Variants in SVEP1 observed in about 807,000 individuals in gnomAD.
The protein encoded by SVEP1 is sushi, von Willebrand factor type A, EGF and pentraxin domain containing 1.
SVEP1 carries 164 observed loss-of-function variants against 367.3 expected under a neutral mutation model. That is an observed-to-expected ratio of 0.45 (90% CI 0.39 to 0.51). The LOEUF (loss-of-function observed/expected upper bound fraction) is 0.51. Ranked by LOEUF, SVEP1 falls within the 20% of genes least tolerant of loss-of-function variation. The pLI is 0.00. For missense variants in SVEP1, 4,117 were observed against 4,425.3 expected (o/e 0.93, Z 1.98); for synonymous variants, 1,666 against 1,611.6 (o/e 1.03, Z -0.81).
Position 110,458,541 on chromosome 9 carries a change from G to A in SVEP1, c.3506C>T (p.Ala1169Val), listed in dbSNP as rs765955604. The change falls in exon 20 of 48, where the codon GCG (alanine) becomes GTG (valine). Residue 1169 changes from alanine to valine, a missense_variant. Physicochemically the swap from Ala to Val is moderately conservative, Grantham distance 64. This residue lies in a region of SVEP1 where 2,174 missense variants were observed against 2,494.3 expected (regional missense o/e 0.87). Coordinates refer to ENST00000374469, the MANE Select transcript of SVEP1 (RefSeq NM_153366.4). ...ECSSFSSTFS[A>V]AEESVVPPAS... Reference sequence around the variant, plus strand: ...AGGGGGCACCACACTTTCCTCTGCCGCTGAGAAAGTTGAACTAAAACCTAA... The same window carrying A: ...AGGGGGCACCACACTTTCCTCTGCCACTGAGAAAGTTGAACTAAAACCTAA... 21 of 1,611,458 alleles carry A rather than the reference G, an allele frequency of 1.3e-5. No individual in the cohort carries two copies. The highest frequency in any genetic ancestry group is 3.4e-5 in the Admixed American group (2 of 59,606).
At chr9:110,390,379 A>ATAAG (rs1165986731) in intron 40 of SVEP1, among the ~76,000 whole-genome samples, 1 of 116,656 alleles carries the variant, frequency 8.6e-6, no homozygotes, top group Non-Finnish European at 1.9e-5. Context: ...ATCTACTTAT[A>ATAAG]TATATATATA....
Position 110,557,832 on chromosome 9 carries a change from A to C in SVEP1, c.532-7728T>G, listed in dbSNP as rs915944825. Among the ~76,000 whole-genome samples, 12 of 152,284 alleles carry C rather than the reference A, an allele frequency of 7.9e-5. 1 individual carries two copies. The highest frequency in any genetic ancestry group is 2.6e-4 in the Admixed American group (4 of 15,292). On this transcript the variant is annotated intron_variant, in intron 1 of 47. Transcript: ENST00000374469. ...AGGTTAACCCTCTTATTTGTAACAAATAAGCCACAGCCTGTGTCTGAAAAT... is the reference window on the plus strand; with the variant it reads ...AGGTTAACCCTCTTATTTGTAACAACTAAGCCACAGCCTGTGTCTGAAAAT...
rs544407808 is a variant in SVEP1, at chr9:110,372,716, G to A, written c.10600+2652C>T. Among the ~76,000 whole-genome samples, 54 of 152,284 alleles carry A rather than the reference G, an allele frequency of 3.5e-4. 3 individuals carry two copies. In the South Asian group the frequency reaches 8.7e-3, roughly 25 times the overall value. On this transcript the variant is annotated intron_variant, in intron 46 of 47. Coordinates refer to ENST00000374469, the MANE Select transcript of SVEP1 (RefSeq NM_153366.4). ...AGGAAAGAGGAAGATCATTGCAAAT[G>A]TAAGGAGATTGGGGAGGAGAAGAGG...
At chr9:110,540,474 C>A (rs1160601719) in intron 3 of SVEP1, among the ~76,000 whole-genome samples, 2 of 151,776 alleles carry the variant, frequency 1.3e-5, no homozygotes, top group Admixed American at 1.3e-4. Context: ...AGCAAAATAC[C>A]AATGCTTTTG....
chr9:110,430,654 T>C (rs3739446), intron 32 of SVEP1, among the ~76,000 whole-genome samples: 5,139 of 152,320 alleles, frequency 0.034, 83 homozygotes, highest in Middle Eastern at 0.058. Context: ...AATAATAGTT[T>C]GAAACAGCAA....
At chr9:110,534,895 T>C (rs1398448286) in intron 3 of SVEP1, among the ~76,000 whole-genome samples, 1 of 152,160 alleles carries the variant, frequency 6.6e-6, no homozygotes, top group Non-Finnish European at 1.5e-5. Flanking sequence ...TTTGTTTAAG[T>C]TCCTTATAGG....
intron 40 of SVEP1, 123 bp downstream of exon 40, chr9:110,400,731 A>G (rs1233171052): frequency 1.8e-6 from 2 of 1,093,572 alleles, no homozygotes; most frequent in East Asian, 5.2e-5. Context: ...AGTATAAGGG[A>G]ACAAAGTATA....
intron 12 of SVEP1, 110 bp downstream of exon 12, chr9:110,481,132 G>T: frequency 1.3e-6 from 1 of 754,846 alleles, no homozygotes; most frequent in Non-Finnish European, 1.9e-6. Context: ...TCAAATTCAT[G>T]GCACCATTTT....
At chr9:110,436,561 C>A in intron 27 of SVEP1, 57 bp from the exon 28 acceptor site, 28 of 1,552,230 alleles carry the variant, frequency 1.8e-5, no homozygotes, top group Non-Finnish European at 2.4e-5. Flanking sequence ...GTCTGTTATT[C>A]CTAAAATCCA....
intron 40 of SVEP1, 64 bp from the exon 41 acceptor site, chr9:110,389,651 T>C: frequency 6.3e-7 from 1 of 1,581,586 alleles, no homozygotes; most frequent in Non-Finnish European, 8.7e-7. Flanking sequence ...AATAAGGAAA[T>C]GCAAAGTAAT....
intron 27 of SVEP1, among the ~76,000 whole-genome samples, chr9:110,439,845 C>T (rs1173748010): frequency 6.6e-6 from 1 of 152,196 alleles, no homozygotes; most frequent in African/African-American, 2.4e-5. Context: ...CTCTGGTCAG[C>T]AAGCTATTTC....
At chr9:110,521,935 C>T (rs1036593385) in intron 3 of SVEP1, among the ~76,000 whole-genome samples, 11 of 152,104 alleles carry the variant, frequency 7.2e-5, no homozygotes, top group Non-Finnish European at 1.3e-4. Context: ...TTTTTACAAA[C>T]TTGAACAGCT....
intron 5 of SVEP1, among the ~76,000 whole-genome samples, chr9:110,511,662 T>C (rs191757860): frequency 3.1e-4 from 47 of 152,210 alleles, no homozygotes; most frequent in South Asian, 1.9e-3. Context: ...TTGTTCAATC[T>C]GCTGATCGTT....
At chr9:110,531,696 C>T (rs982075829) in intron 3 of SVEP1, among the ~76,000 whole-genome samples, 1 of 152,104 alleles carries the variant, frequency 6.6e-6, no homozygotes, top group Non-Finnish European at 1.5e-5. Flanking sequence ...ATACAGCCAC[C>T]TATGGTAGAA....
At chr9:110,505,674 TTC>T (rs755258536) in intron 5 of SVEP1, among the ~76,000 whole-genome samples, 2 of 151,760 alleles carry the variant, frequency 1.3e-5, no homozygotes, top group African/African-American at 2.4e-5. Flanking sequence ...CTTTTTTAAA[TTC>T]TCTCTCTCTC....
intron 18 of SVEP1, among the ~76,000 whole-genome samples, chr9:110,465,524 C>T (rs2118652974): frequency 6.6e-6 from 1 of 152,176 alleles, no homozygotes; most frequent in Admixed American, 6.5e-5. Flanking sequence ...AAACACTAGA[C>T]AGAACTTCAC....
chr9:110,507,196 ATAAC>A, intron 5 of SVEP1, among the ~76,000 whole-genome samples: 1 of 152,366 alleles, frequency 6.6e-6, no homozygotes, highest in Non-Finnish European at 1.5e-5. Flanking sequence ...GAGAGCTCTT[ATAAC>A]AATCTCTAAA....
intron 36 of SVEP1, among the ~76,000 whole-genome samples, chr9:110,416,398 C>G (rs1300566193): frequency 6.6e-6 from 1 of 151,794 alleles, no homozygotes; most frequent in East Asian, 1.9e-4. Flanking sequence ...TATTCAAAAA[C>G]AGGCTACAGA....
At position 110,375,465 on chromosome 9, in the gene SVEP1, TA is replaced by T. The variant is rs71373993; in HGVS notation, c.10505-3del. On this transcript the variant is annotated splice_region_variant and splice_polypyrimidine_tract_variant and intron_variant, in intron 45 of 47. Transcript: ENST00000374469. ...TCAGACAGGGAAGAATGCAGATTGC[TA>T]AAAAAAAAAAAAAAAAAAAAAAAAG... 45,941 of 544,080 alleles carry T rather than the reference TA, an allele frequency of 0.084. 311 individuals are homozygous for T. Among genetic ancestry groups the T allele is most frequent in the African/African-American group, 0.17 (6,123 of 36,330 alleles). The allele number at this position is 544,080 out of a possible 1,614,324, so 33.7% of individuals were successfully genotyped here. A position where few individuals can be genotyped will look rare whatever the true frequency, so the allele number is the denominator to read the frequency against.
Sources: allele counts gnomAD v4.1 joint callset (sites outside exome capture counted in the v4.1 genomes callset), GRCh38; gene constraint gnomAD v4.1.1; regional missense constraint gnomAD v4.1.1; transcripts MANE v1.5; gene names NCBI Gene and HGNC (gene_info 2026-07-23, HGNC 2026-07-21).